The following FREM1 variants were observed in gnomAD, a reference collection of about 807,000 sequenced individuals.
FREM1 encodes the protein FRAS1-related extracellular matrix protein 1.
Under a neutral mutation model 210.1 loss-of-function variants are expected in FREM1, and 220 were observed. That is an observed-to-expected ratio of 1.05 (90% CI 0.94 to 1.17). The LOEUF (loss-of-function observed/expected upper bound fraction) is 1.17, where lower values mean the gene tolerates loss of function less well. Among genes scored for constraint, FREM1 ranks in the 50% most tolerant of loss-of-function variants. The probability of loss-of-function intolerance (pLI) is 0.00; values close to 1 mark genes in which losing one functional copy is unlikely to be tolerated. For missense variants in FREM1, 3,454 were observed against 2,675.5 expected, an observed-to-expected ratio of 1.29 and a Z score of -6.42; for synonymous variants, 1,189 against 980.2, an observed-to-expected ratio of 1.21 and a Z score of -3.98.
At chr9:14,861,681 A>G (rs1293930265) in intron 3 of FREM1, among the ~76,000 whole-genome samples, 2 of 151,458 alleles carry the variant, frequency 1.3e-5, no homozygotes. Flanking sequence ...TAATTTTTGT[A>G]TTTTTAGTAG....
intron 22 of FREM1, chr9:14,791,070 C>G (rs1378640706): frequency 6.6e-6 from 1 of 152,156 alleles, no homozygotes; most frequent in Non-Finnish European, 1.5e-5. Context: ...GTTAAGCATT[C>G]CATCAAATAA....
At position 14,769,822 on chromosome 9, in the gene FREM1, C is replaced by T. The variant is rs893934708; in HGVS notation, c.5106G>A (p.Lys1702=). 2 of 1,603,446 alleles carry T rather than the reference C, an allele frequency of 1.2e-6. No individual in the cohort carries two copies. The highest frequency in any genetic ancestry group is 2.7e-5 in the African/African-American group (2 of 74,604). Residue 1702 remains lysine, a synonymous_variant, in exon 27 of 37, where the codon AAG becomes AAA. Transcript: ENST00000380880. ...ATGGGTTTATGATGTAAAGAATAGT[C>T]TTACTGTTTAAGTCCTTTTGGCTAA... is the stretch of plus-strand genomic sequence containing the variant. ...EKFSQKDLNS[K]TILYIINPSL...
intron 1 of FREM1, among the ~76,000 whole-genome samples, chr9:14,871,299 C>G (rs1391506456): frequency 6.6e-6 from 1 of 152,240 alleles, no homozygotes; most frequent in Non-Finnish European, 1.5e-5. Context: ...TATTTCTCCA[C>G]ATCCTCTCCA....
At chr9:14,812,757 G>C in intron 16 of FREM1, 55 bp downstream of exon 16, 4 of 1,537,634 alleles carry the variant, frequency 2.6e-6, no homozygotes, top group Middle Eastern at 2.3e-4. Context: ...ACACTGAGGA[G>C]TGGAGACTCT....
At chr9:14,768,035 T>C (rs1195040730) in intron 27 of FREM1, among the ~76,000 whole-genome samples, 1 of 152,206 alleles carries the variant, frequency 6.6e-6, no homozygotes, top group Non-Finnish European at 1.5e-5. Context: ...AATTCTCATA[T>C]GAATTTGAGA....
intron 3 of FREM1, among the ~76,000 whole-genome samples, 191 bp from the exon 4 acceptor site, chr9:14,859,675 C>A (rs1829445159): frequency 1.3e-5 from 2 of 152,188 alleles, no homozygotes; most frequent in Admixed American, 6.5e-5. Flanking sequence ...GGTGTCAACA[C>A]CTTTTCCTGC....
At chr9:14,884,274 G>C (rs1219749621) in intron 1 of FREM1, among the ~76,000 whole-genome samples, 4 of 152,108 alleles carry the variant, frequency 2.6e-5, no homozygotes, top group Admixed American at 6.5e-5. Flanking sequence ...AACAAATCCT[G>C]TCTTGGCTTG....
intron 36 of FREM1, among the ~76,000 whole-genome samples, chr9:14,738,683 C>T (rs1587601143): frequency 1.3e-5 from 2 of 152,090 alleles, no homozygotes; most frequent in Non-Finnish European, 1.5e-5. Context: ...CTTTGATGCG[C>T]CCTGAAAATT....
chr9:14,772,956 G>T (rs1563888694), intron 25 of FREM1, among the ~76,000 whole-genome samples: 1 of 152,122 alleles, frequency 6.6e-6, no homozygotes, highest in Non-Finnish European at 1.5e-5. Flanking sequence ...TTTTTAAAAG[G>T]ACATCTAAAC....
Position 14,842,652 on chromosome 9 carries a change from C to T in FREM1, c.1402G>A (p.Gly468Arg). 6.2e-7 allele frequency: 1 copy of T among 1,612,608 alleles called. No homozygotes were observed. The highest frequency in any genetic ancestry group is 1.1e-5 in the South Asian group (1 of 90,992). The change falls in exon 9 of 37, where the codon GGG becomes AGG. Residue 468 changes from glycine (G) to arginine (R), a missense_variant. Gly to Arg is a moderately radical substitution (Grantham distance 125). Transcript: ENST00000380880. ...AGGTCAGCCACGGTGAAGAGAAACC[C>T]TTTCCCCCCTGAGGGAGAGAGCAGA... ...HGWLTLRGGK[G>R]FLFTVADLQA...
rs1297640846 is a variant in FREM1, at chr9:14,841,607, C to T, written c.1739-18G>A. The T allele has an allele frequency of 3.9e-6, 6 of 1,557,042 alleles. No individual in the cohort carries two copies. In the African/African-American group the frequency reaches 4.1e-5, roughly 11 times the overall value. ...AGGATAGCCTATTGGGTCCATAAAA[C>T]ACCACATACTTTTGTACAAGCCTAT... On this transcript the variant is annotated intron_variant, in intron 9 of 36. Coordinates refer to ENST00000380880, the MANE Select transcript of FREM1 (RefSeq NM_001379081.2).
chr9:14,856,927 C>T (rs1051406401), intron 5 of FREM1, among the ~76,000 whole-genome samples: 2 of 151,892 alleles, frequency 1.3e-5, no homozygotes, highest in African/African-American at 2.4e-5. Context: ...CATGAATCAG[C>T]AGCACTGCAT....
chr9:14,805,942 C>T (rs974498553), intron 18 of FREM1, among the ~76,000 whole-genome samples: 1 of 152,152 alleles, frequency 6.6e-6, no homozygotes, highest in Non-Finnish European at 1.5e-5. Flanking sequence ...CTCTGTTACA[C>T]CCATAGTATA....
At chr9:14,847,430 G>A (rs12376219) in intron 7 of FREM1, among the ~76,000 whole-genome samples, 3,554 of 30,046 alleles carry the variant, frequency 0.12, 259 homozygotes, top group East Asian at 0.39. Context: ...GGAAGGAAGG[G>A]AGGGAGGGAG....
At chr9:14,866,564 C>A (rs1359404077) in intron 2 of FREM1, among the ~76,000 whole-genome samples, 1 of 152,180 alleles carries the variant, frequency 6.6e-6, no homozygotes, top group East Asian at 1.9e-4. Context: ...CTCAGTTGGG[C>A]ATGCATGCTT....
intron 2 of FREM1, 142 bp downstream of exon 2, chr9:14,868,602 A>G (rs1831980372): frequency 4.8e-6 from 3 of 629,616 alleles, no homozygotes; most frequent in African/African-American, 3.6e-5. Flanking sequence ...CAAGTCCACC[A>G]TTTCAAATGT....
chr9:14,890,972 T>C (rs1454002683), intron 1 of FREM1, among the ~76,000 whole-genome samples: 1 of 152,234 alleles, frequency 6.6e-6, no homozygotes, highest in Non-Finnish European at 1.5e-5. Flanking sequence ...TTTAATTGAA[T>C]AACTTAAGCA....
intron 1 of FREM1, among the ~76,000 whole-genome samples, chr9:14,905,291 C>A (rs190489104): frequency 7.6e-4 from 115 of 152,268 alleles, no homozygotes; most frequent in Admixed American, 7.5e-3. Context: ...AGTGCACACT[C>A]CTCCACATGT....
chr9:14,746,703 A>T (rs972257934), intron 34 of FREM1, among the ~76,000 whole-genome samples: 2 of 152,238 alleles, frequency 1.3e-5, no homozygotes, highest in Admixed American at 1.3e-4. Flanking sequence ...AACTGAACAA[A>T]ATAAGTAAAC....
Sources: allele counts gnomAD v4.1 joint callset (sites outside exome capture counted in the v4.1 genomes callset), GRCh38; gene constraint gnomAD v4.1.1; transcripts MANE v1.5; gene names NCBI Gene and HGNC (gene_info 2026-07-23, HGNC 2026-07-21).